Variants in TCF12 observed in about 807,000 individuals in gnomAD.
TCF12 encodes transcription factor 12.
Under a neutral mutation model 86.0 loss-of-function variants are expected in TCF12, and 45 were observed. The ratio of observed to expected loss-of-function variants is 0.52; its 90% CI spans 0.41 to 0.67. TCF12 has a LOEUF of 0.67. TCF12 is among the 30% of genes least tolerant of loss of function. The probability of loss-of-function intolerance (pLI) is 0.00; values close to 1 mark genes in which losing one functional copy is unlikely to be tolerated. For synonymous variants in TCF12, 330 were observed against 299.6 expected (o/e 1.10, Z -1.05); for missense variants, 881 against 859.9 (o/e 1.02, Z -0.31).
At chr15:57,188,645 A>G (rs1051714153) in intron 6 of TCF12, among the ~76,000 whole-genome samples, 3 of 152,182 alleles carry the variant, frequency 2.0e-5, no homozygotes, top group Non-Finnish European at 4.4e-5. Context: ...CTAAACATCT[A>G]TGGCCAATTG....
At chr15:57,227,327 A>T (rs720290) in intron 8 of TCF12, among the ~76,000 whole-genome samples, 32,846 of 151,948 alleles carry the variant, frequency 0.22, 4,081 homozygotes, top group East Asian at 0.4. Flanking sequence ...AATCGAGAGC[A>T]CAGTGCACAG....
chr15:57,263,399 G>A (rs945696543), intron 18 of TCF12, 125 bp downstream of exon 18: 1 of 980,740 alleles, frequency 1.0e-6, no homozygotes, highest in Non-Finnish European at 1.5e-6. Flanking sequence ...GGATTTTTGT[G>A]TATGTTGTCT....
At chr15:57,233,738 A>G (rs1346661304) in intron 11 of TCF12, among the ~76,000 whole-genome samples, 1 of 152,072 alleles carries the variant, frequency 6.6e-6, no homozygotes, top group Non-Finnish European at 1.5e-5. Context: ...CAGCCTCCCA[A>G]ATTGCTGGGA....
intron 5 of TCF12, among the ~76,000 whole-genome samples, chr15:57,113,410 T>G (rs1240163804): frequency 1.3e-5 from 2 of 152,220 alleles, no homozygotes; most frequent in Non-Finnish European, 2.9e-5. Flanking sequence ...GAATTATAAA[T>G]TCCTTGAGGG....
intron 3 of TCF12, among the ~76,000 whole-genome samples, chr15:57,029,160 C>T (rs2065997285): frequency 6.6e-6 from 1 of 152,058 alleles, no homozygotes; most frequent in Admixed American, 6.6e-5. Flanking sequence ...GTGGTTCTTC[C>T]AGTGTGAAAG....
At chr15:57,007,681 A>C (rs769101133) in intron 3 of TCF12, among the ~76,000 whole-genome samples, 1 of 152,158 alleles carries the variant, frequency 6.6e-6, no homozygotes, top group Admixed American at 6.5e-5. Context: ...GACTAATATG[A>C]TAAGTCTGAG....
At chr15:56,960,997 G>A (rs187527406) in intron 3 of TCF12, among the ~76,000 whole-genome samples, 2 of 151,742 alleles carry the variant, frequency 1.3e-5, no homozygotes, top group Non-Finnish European at 2.9e-5. Flanking sequence ...AAAATTAGCT[G>A]GGTGTGGTGG....
chr15:57,227,413 G>A (rs1401694762), intron 8 of TCF12, among the ~76,000 whole-genome samples: 1 of 152,140 alleles, frequency 6.6e-6, no homozygotes, highest in Admixed American at 6.5e-5. Context: ...AATCATCTGA[G>A]CAGGAAAAAA....
intron 13 of TCF12, chr15:57,251,071 G>T (rs1235058584): frequency 4.6e-5 from 14 of 307,236 alleles, no homozygotes; most frequent in Admixed American, 2.8e-4. Flanking sequence ...AGATACATAG[G>T]CATGTGGACT....
intron 3 of TCF12, among the ~76,000 whole-genome samples, chr15:57,012,265 A>G (rs2064877325): frequency 6.6e-6 from 1 of 152,198 alleles, no homozygotes; most frequent in African/African-American, 2.4e-5. Flanking sequence ...GAAAGAAAGA[A>G]GTGTTGTCCT....
intron 3 of TCF12, among the ~76,000 whole-genome samples, chr15:56,990,757 C>T (rs761841061): frequency 5.3e-5 from 8 of 151,446 alleles, no homozygotes; most frequent in African/African-American, 7.3e-5. Flanking sequence ...AGAACACCTA[C>T]GTTAAAATTT....
At chr15:57,117,488 G>A (rs534169131) in intron 5 of TCF12, among the ~76,000 whole-genome samples, 39 of 152,300 alleles carry the variant, frequency 2.6e-4, no homozygotes, top group African/African-American at 8.7e-4. Context: ...CCATGAATGA[G>A]CAAAACTTCT....
intron 15 of TCF12, 29 bp from the exon 16 acceptor site, chr15:57,253,233 C>A: frequency 6.2e-7 from 1 of 1,610,198 alleles, no homozygotes; most frequent in Non-Finnish European, 8.5e-7. Flanking sequence ...CCAGCAATAA[C>A]CACCATGTTT....
chr15:56,972,403 A>G (rs531429134), intron 3 of TCF12, among the ~76,000 whole-genome samples: 1 of 152,328 alleles, frequency 6.6e-6, no homozygotes, highest in African/African-American at 2.4e-5. Context: ...TAGGAAAGTG[A>G]TTATATAAAC....
chr15:57,284,803 G>A (rs955569020), intron 20 of TCF12, among the ~76,000 whole-genome samples: 1 of 151,966 alleles, frequency 6.6e-6, no homozygotes, highest in African/African-American at 2.4e-5. Flanking sequence ...TTCTCATCTC[G>A]TTTCCTTCTG....
chr15:57,064,795 C>CAAAAAAAAAAAAAAAAAAA (rs1177544594), intron 4 of TCF12, among the ~76,000 whole-genome samples: 12 of 78,056 alleles, frequency 1.5e-4, no homozygotes, highest in African/African-American at 7.3e-4. Context: ...GACTCCATCT[C>CAAAAAAAAAAAAAAAAAAA]AAAAAAAAAA....
chr15:57,067,655 A>G (rs1258267604), intron 4 of TCF12, among the ~76,000 whole-genome samples: 3 of 151,916 alleles, frequency 2.0e-5, no homozygotes, highest in African/African-American at 7.3e-5. Flanking sequence ...TGTTTGAGAC[A>G]CCCAGAGGGA....
intron 4 of TCF12, among the ~76,000 whole-genome samples, chr15:57,089,584 GT>G (rs71113060): frequency 0.23 from 33,269 of 145,260 alleles, 4,200 homozygotes; most frequent in East Asian, 0.4. Context: ...TTAGGAAATA[GT>G]TTTTTTTTTT....
chr15:57,024,167 G>GAAAGGC (rs1212302207), intron 3 of TCF12, among the ~76,000 whole-genome samples: 1 of 148,212 alleles, frequency 6.7e-6, no homozygotes, highest in Non-Finnish European at 1.5e-5. Context: ...GCTCAGGCAA[G>GAAAGGC]AAAGGCAAAG....
Sources: gnomAD v4.1 joint callset for allele counts (sites outside exome capture counted in the v4.1 genomes callset) on GRCh38, gnomAD v4.1.1 for gene constraint, MANE v1.5 for transcripts, NCBI Gene and HGNC (gene_info 2026-07-23, HGNC 2026-07-21) for gene names.